The following NFIA variants were observed in gnomAD, a reference collection of about 807,000 sequenced individuals.
The protein encoded by NFIA is nuclear factor 1 A-type.
Under a neutral mutation model 62.8 loss-of-function variants are expected in NFIA, and 8 were observed. The ratio of observed to expected loss-of-function variants is 0.13; its 90% CI spans 0.07 to 0.23. NFIA has a LOEUF of 0.23. Ranked by LOEUF, NFIA falls within the 10% of genes least tolerant of loss-of-function variation. NFIA has a pLI of 1.00. For missense variants in NFIA, 410 were observed against 642.1 expected, an observed-to-expected ratio of 0.64 and a Z score of 3.91; for synonymous variants, 235 against 238.1, an observed-to-expected ratio of 0.99 and a Z score of 0.12.
At chr1:61,222,852 A>G (rs1239939753) in intron 2 of NFIA, among the ~76,000 whole-genome samples, 1 of 152,026 alleles carries the variant, frequency 6.6e-6, no homozygotes, top group East Asian at 1.9e-4. Flanking sequence ...TATTTCCTTT[A>G]TAAATATACT....
chr1:61,210,185 C>G (rs17121798), intron 2 of NFIA, among the ~76,000 whole-genome samples: 12,436 of 152,126 alleles, frequency 0.082, 625 homozygotes, highest in African/African-American at 0.13. Context: ...TCAGGGCTGT[C>G]TCATTTCTGC....
chr1:61,281,237 C>CAA (rs113416259), intron 3 of NFIA, among the ~76,000 whole-genome samples: 6 of 132,958 alleles, frequency 4.5e-5, no homozygotes, highest in African/African-American at 8.3e-5. Context: ...GACTCCATCT[C>CAA]AAAAAAAAAA....
rs946961833 is a variant in NFIA at position 61,184,146 on chromosome 1, A to G, written c.560-93374A>G. On this transcript the variant is annotated intron_variant, in intron 2 of 10. Coordinates refer to ENST00000403491, the MANE Select transcript of NFIA (RefSeq NM_001134673.4). ...AAACCAAAAAAAAAAAAAAAAACCC[A>G]AAAAAACAAAACAAAACAAAAAACA... Among the ~76,000 whole-genome samples the G allele has an allele frequency of 2.5e-4, 28 of 110,100 alleles. No homozygotes were observed. The Admixed American group carries it at 2.8e-3, about 11-fold the overall frequency. 72.2% of individuals were successfully genotyped at this position (110,100 alleles called of 152,430 possible). A position where few individuals can be genotyped will look rare whatever the true frequency, so the allele number is the denominator to read the frequency against.
chr1:61,452,764 C>CT (rs1364050941), intron 10 of NFIA, among the ~76,000 whole-genome samples: 2 of 152,234 alleles, frequency 1.3e-5, no homozygotes, highest in East Asian at 3.8e-4. Flanking sequence ...TGATTAAAAA[C>CT]TAACCTTTAA....
intron 1 of NFIA, among the ~76,000 whole-genome samples, chr1:61,083,766 G>GCCGCCGCCA (rs1192726041): frequency 6.6e-6 from 1 of 151,238 alleles, no homozygotes; most frequent in Non-Finnish European, 1.5e-5. Context: ...CCCCGCCGCC[G>GCCGCCGCCA]CCGCCGCCAC....
chr1:61,106,974 AT>A (rs1348382478), intron 2 of NFIA, among the ~76,000 whole-genome samples: 1 of 151,542 alleles, frequency 6.6e-6, no homozygotes, highest in Non-Finnish European at 1.5e-5. Flanking sequence ...ATAAATACAT[AT>A]ACACACACAC....
intron 7 of NFIA, among the ~76,000 whole-genome samples, chr1:61,402,619 G>A (rs1433464189): frequency 1.3e-5 from 2 of 152,194 alleles, no homozygotes; most frequent in African/African-American, 2.4e-5. Flanking sequence ...AATAGGTTAT[G>A]TTTGAGACAT....
At chr1:61,320,690 G>A (rs1275218328) in intron 3 of NFIA, among the ~76,000 whole-genome samples, 1 of 152,036 alleles carries the variant, frequency 6.6e-6, no homozygotes, top group East Asian at 1.9e-4. Context: ...CATTGCATGT[G>A]TCCTCAGGTG....
At chr1:61,374,084 T>G (rs773765554) in intron 6 of NFIA, among the ~76,000 whole-genome samples, 1 of 152,214 alleles carries the variant, frequency 6.6e-6, no homozygotes, top group Non-Finnish European at 1.5e-5. Flanking sequence ...TAGCCACATG[T>G]GGCTAGTAGC....
intron 2 of NFIA, among the ~76,000 whole-genome samples, chr1:61,175,148 T>C (rs942802035): frequency 2.6e-5 from 4 of 151,770 alleles, no homozygotes; most frequent in Non-Finnish European, 1.5e-5. Flanking sequence ...ATTATTATTA[T>C]TATTATTTTT....
chr1:61,252,210 C>T (rs333167), intron 2 of NFIA, among the ~76,000 whole-genome samples: 46,156 of 151,922 alleles, frequency 0.3, 8,750 homozygotes, highest in African/African-American at 0.53. Context: ...CAAGATGAAC[C>T]AAGACTTTTT....
intron 6 of NFIA, among the ~76,000 whole-genome samples, chr1:61,377,038 G>A (rs562551446): frequency 2.0e-5 from 3 of 151,762 alleles, no homozygotes; most frequent in Non-Finnish European, 4.4e-5. Flanking sequence ...CCAACATGGT[G>A]AAACCCTGTA....
At chr1:61,287,506 C>G (rs934673918) in intron 3 of NFIA, among the ~76,000 whole-genome samples, 1 of 152,054 alleles carries the variant, frequency 6.6e-6, no homozygotes, top group Non-Finnish European at 1.5e-5. Context: ...GATTTTGTTC[C>G]TAAATAGTTG....
chr1:61,155,094 G>A (rs1342168290), intron 2 of NFIA, among the ~76,000 whole-genome samples: 4 of 152,136 alleles, frequency 2.6e-5, no homozygotes, highest in African/African-American at 4.8e-5. Context: ...ATGGCTTACC[G>A]TGTGGAATAA....
chr1:61,253,225 GA>G (rs1656162519), intron 2 of NFIA, among the ~76,000 whole-genome samples: 1 of 152,208 alleles, frequency 6.6e-6, no homozygotes, highest in South Asian at 2.1e-4. Flanking sequence ...AATCCAGGCA[GA>G]AGGTTAGTGT....
At position 61,461,047 on chromosome 1, in the gene NFIA, A is replaced by G. The variant is rs149522132; in HGVS notation, c.*5727A>G. On this transcript the variant is annotated 3_prime_UTR_variant, in exon 11 of 11. Coordinates refer to ENST00000403491, the MANE Select transcript of NFIA (RefSeq NM_001134673.4). ...GTTTTCTTTTTCCTAGGGGACAAGCATGGGTGTTTGATTTCAGAAATCAGT... is the reference window on the plus strand; with the variant it reads ...GTTTTCTTTTTCCTAGGGGACAAGCGTGGGTGTTTGATTTCAGAAATCAGT... The G allele has an allele frequency of 2.6e-5, 4 of 152,262 alleles. No homozygotes were observed. Among genetic ancestry groups the G allele is most frequent in the African/African-American group, 9.6e-5 (4 of 41,544 alleles). 9.4% of individuals were successfully genotyped at this position (152,262 alleles called of 1,614,324 possible). A position where few individuals can be genotyped will look rare whatever the true frequency, so the allele number is the denominator to read the frequency against.
At chr1:61,211,155 C>G (rs113160286) in intron 2 of NFIA, among the ~76,000 whole-genome samples, 3,231 of 152,266 alleles carry the variant, frequency 0.021, 52 homozygotes, top group Non-Finnish European at 0.033. Flanking sequence ...ATTGTGATGA[C>G]TGCTGCCTCC....
At chr1:61,175,770 C>T (rs143367266) in intron 2 of NFIA, among the ~76,000 whole-genome samples, 98 of 152,314 alleles carry the variant, frequency 6.4e-4, no homozygotes, top group African/African-American at 2.2e-3. Context: ...GCAAGTGTCT[C>T]TTTCCTTCTT....
At chr1:61,323,977 G>A (rs1189168321) in intron 3 of NFIA, among the ~76,000 whole-genome samples, 1 of 152,144 alleles carries the variant, frequency 6.6e-6, no homozygotes, top group East Asian at 1.9e-4. Flanking sequence ...AAAGAGGCAA[G>A]TGCCGTAAGA....
Sources: allele counts gnomAD v4.1 joint callset (sites outside exome capture counted in the v4.1 genomes callset), GRCh38; gene constraint gnomAD v4.1.1; transcripts MANE v1.5; gene names NCBI Gene and HGNC (gene_info 2026-07-23, HGNC 2026-07-21).